The following KIAA0586 variants were observed in gnomAD, a reference collection of about 807,000 sequenced individuals.
KIAA0586 encodes the protein protein TALPID3.
Under a neutral mutation model 169.8 loss-of-function variants are expected in KIAA0586, and 144 were observed. The observed-to-expected ratio is 0.85, with a 90% CI of 0.74 to 0.97. The LOEUF is 0.97. Among genes scored for constraint, KIAA0586 ranks in the 50% least tolerant of loss-of-function variants. KIAA0586 has a pLI of 0.00. For synonymous variants in KIAA0586, 625 were observed against 612.4 expected, an observed-to-expected ratio of 1.02 and a Z score of -0.30; for missense variants, 1,854 against 1,823.0, an observed-to-expected ratio of 1.02 and a Z score of -0.31.
chr14:58,527,519 C>G (rs1348309055), intron 29 of KIAA0586, among the ~76,000 whole-genome samples: 1 of 152,136 alleles, frequency 6.6e-6, no homozygotes, highest in East Asian at 1.9e-4. Flanking sequence ...TGCGGAAACC[C>G]TACAAGCCAG....
At chr14:58,493,457 A>G (rs952665356) in intron 26 of KIAA0586, among the ~76,000 whole-genome samples, 9 of 152,180 alleles carry the variant, frequency 5.9e-5, no homozygotes, top group Non-Finnish European at 8.8e-5. Context: ...TTCTTGATCT[A>G]TAGTGCTGTT....
At position 58,448,230 on chromosome 14, in the gene KIAA0586, T is replaced by G. The variant is rs74055696; in HGVS notation, c.808-110T>G. ...CAATGTAATACATATTTTTCATTGT[T>G]TATTAAATGCAGTAAATTATGTTTA... On this transcript the variant is annotated intron_variant, in intron 6 of 30. Transcript: ENST00000652326. 3.0e-3 allele frequency: 2,100 copies of G among 690,464 alleles called. 39 individuals are homozygous for G. The African/African-American group carries it at 0.035, about 11-fold the overall frequency. 42.8% of individuals were successfully genotyped at this position (690,464 alleles called of 1,614,324 possible).
intron 27 of KIAA0586, among the ~76,000 whole-genome samples, chr14:58,505,710 T>G (rs547168028): frequency 6.6e-6 from 1 of 152,278 alleles, no homozygotes; most frequent in South Asian, 2.1e-4. Flanking sequence ...TTCATTCATA[T>G]GTTTGTTGGC....
intron 27 of KIAA0586, among the ~76,000 whole-genome samples, chr14:58,506,601 C>T (rs1056424205): frequency 3.3e-5 from 5 of 151,278 alleles, no homozygotes; most frequent in South Asian, 2.1e-4. Flanking sequence ...GCAGAAGAAT[C>T]GCTTGAACCC....
At chr14:58,490,075 G>T in intron 24 of KIAA0586, 89 bp from the exon 25 acceptor site, 1 of 622,496 alleles carries the variant, frequency 1.6e-6, no homozygotes, top group South Asian at 2.2e-5. Context: ...GTATAATTTT[G>T]AATCTAATAT....
At position 58,544,079 on chromosome 14, in the gene KIAA0586, A is replaced by C. The variant is rs114573809; in HGVS notation, c.4496-3702A>C. 8.7e-3 allele frequency: 2,676 copies of C among 306,458 alleles called. 72 individuals are homozygous for C. The highest frequency in any genetic ancestry group is 0.054 in the African/African-American group (2,412 of 44,498). The allele number at this position is 306,458 out of a possible 1,614,324, so 19.0% of individuals were successfully genotyped here. A position where few individuals can be genotyped will look rare whatever the true frequency, so the allele number is the denominator to read the frequency against. On this transcript the variant is annotated intron_variant, in intron 30 of 30. Coordinates refer to ENST00000652326, the MANE Select transcript of KIAA0586 (RefSeq NM_001329943.3). ...GTTTCCTTCTTTGTGTTCATGAGTTATCATCATTTAGTTCCCACTTATAAG... is the reference window on the plus strand; with the variant it reads ...GTTTCCTTCTTTGTGTTCATGAGTTCTCATCATTTAGTTCCCACTTATAAG...
chr14:58,512,137 T>C (rs1211221348), intron 28 of KIAA0586, among the ~76,000 whole-genome samples: 1 of 152,164 alleles, frequency 6.6e-6, no homozygotes, highest in African/African-American at 2.4e-5. Context: ...ATTTTCATTT[T>C]ATGCAAAAAG....
chr14:58,495,262 ATGTATATG>A (rs2043086501), intron 26 of KIAA0586, among the ~76,000 whole-genome samples: 2 of 152,030 alleles, frequency 1.3e-5, no homozygotes, highest in East Asian at 3.9e-4. Flanking sequence ...ATTTGTGTAT[ATGTATATG>A]TGTGTATGTG....
the KIAA0586 span, among the ~76,000 whole-genome samples, chr14:58,559,840 G>A: frequency 6.6e-6 from 1 of 152,096 alleles, no homozygotes; most frequent in South Asian, 2.1e-4. Flanking sequence ...TCTGGCTGTG[G>A]AGCATTTAAA....
At position 58,460,061 on chromosome 14, in the gene KIAA0586, G is replaced by A. The variant is rs951371883; in HGVS notation, c.1875G>A (p.Glu625=). The part of the protein sequence containing the change: ...RGMPASSLQK[E]RKEGLLKATT... ...TGCCTGCTTCAAGTTTACAGAAAGA[G>A]AGAAAGGAAGTAAGATCCTAATCTG... is the stretch of plus-strand genomic sequence containing the variant. Residue 625 remains glutamate, a synonymous_variant, in exon 13 of 31, where the codon GAG becomes GAA. Transcript: ENST00000652326. 8.0e-6 allele frequency: 12 copies of A among 1,496,182 alleles called. No individual in the cohort carries two copies. Among genetic ancestry groups the A allele is most frequent in the East Asian group, 2.5e-5 (1 of 40,552 alleles). The allele number at this position is 1,496,182 out of a possible 1,614,324, so 92.7% of individuals were successfully genotyped here. A position where few individuals can be genotyped will look rare whatever the true frequency, so the allele number is the denominator to read the frequency against.
intron 28 of KIAA0586, among the ~76,000 whole-genome samples, chr14:58,510,548 G>A (rs953575167): frequency 3.9e-5 from 6 of 152,036 alleles, no homozygotes; most frequent in African/African-American, 7.2e-5. Context: ...AATGTAAAAC[G>A]ATCCAACCCC....
chr14:58,526,411 G>A (rs2045588058), intron 29 of KIAA0586, among the ~76,000 whole-genome samples: 1 of 152,176 alleles, frequency 6.6e-6, no homozygotes, highest in Admixed American at 6.5e-5. Context: ...TAATACCCAA[G>A]CAAACAGGGT....
intron 29 of KIAA0586, among the ~76,000 whole-genome samples, chr14:58,532,304 C>T (rs993522000): frequency 2.6e-5 from 4 of 152,190 alleles, no homozygotes; most frequent in African/African-American, 9.6e-5. Context: ...TGTTACTTCA[C>T]TTCTGTTTCT....
chr14:58,457,905 A>G lies in KIAA0586; in HGVS notation c.1509A>G (p.Glu503=). 1 of 1,606,538 alleles carries G rather than the reference A, an allele frequency of 6.2e-7. No individual in the cohort carries two copies. Among genetic ancestry groups the G allele is most frequent in the Non-Finnish European group, 8.5e-7 (1 of 1,176,054 alleles). ...GVQNNKKVLE[E]NLEAIIRAKD... is the part of the protein sequence containing the mutation. ...AAAACAATAAAAAAGTACTTGAAGAAAACCTGGAAGCTATTATTCGTGCAA... is the reference window on the plus strand; with the variant it reads ...AAAACAATAAAAAAGTACTTGAAGAGAACCTGGAAGCTATTATTCGTGCAA... Residue 503 remains glutamate, a synonymous_variant, in exon 11 of 31, where the codon GAA becomes GAG. Coordinates refer to ENST00000652326, the MANE Select transcript of KIAA0586 (RefSeq NM_001329943.3).
chr14:58,496,703 A>G (rs2043179808), intron 26 of KIAA0586, among the ~76,000 whole-genome samples: 1 of 152,200 alleles, frequency 6.6e-6, no homozygotes, highest in South Asian at 2.1e-4. Context: ...CAATGGAATC[A>G]TCAAAGGTGT....
chr14:58,552,878 A>G (rs772632056), downstream of KIAA0586, among the ~76,000 whole-genome samples: 3 of 152,324 alleles, frequency 2.0e-5, no homozygotes, highest in Admixed American at 6.5e-5. Flanking sequence ...AAGATAAACT[A>G]TTTGAGTTGG....
At chr14:58,487,830 T>C in intron 22 of KIAA0586, 57 bp from the exon 23 acceptor site, 5 of 1,120,234 alleles carry the variant, frequency 4.5e-6, no homozygotes, top group Non-Finnish European at 6.6e-6. Context: ...CATGCCATCC[T>C]ATGGAGTTCT....
chr14:58,491,683 G>A (rs1471969773), intron 25 of KIAA0586, among the ~76,000 whole-genome samples: 1 of 152,174 alleles, frequency 6.6e-6, no homozygotes, highest in East Asian at 1.9e-4. Flanking sequence ...GGGACATTGA[G>A]GTCTATAGCT....
chr14:58,489,478 C>G (rs1281789062), intron 24 of KIAA0586, among the ~76,000 whole-genome samples: 2 of 152,058 alleles, frequency 1.3e-5, no homozygotes, highest in Non-Finnish European at 2.9e-5. Context: ...TCTTGGCCTC[C>G]CAAAGGGCTG....
Sources: allele counts gnomAD v4.1 joint callset (sites outside exome capture counted in the v4.1 genomes callset), GRCh38; gene constraint gnomAD v4.1.1; transcripts MANE v1.5; gene names NCBI Gene and HGNC (gene_info 2026-07-23, HGNC 2026-07-21).